The following ELAVL3 variants were observed in gnomAD, a reference collection of about 807,000 sequenced individuals.
ELAVL3 encodes the protein ELAV-like protein 3.
A neutral mutation model predicts 34.2 loss-of-function variants in ELAVL3; 8 were observed. The observed-to-expected ratio is 0.23, with a 90% CI of 0.14 to 0.42. The LOEUF (loss-of-function observed/expected upper bound fraction) is 0.42, where lower values mean the gene tolerates loss of function less well. Among genes scored for constraint, ELAVL3 ranks in the 10% least tolerant of loss-of-function variants. The pLI, the probability that ELAVL3 is intolerant of heterozygous loss-of-function variation, is 1.00. For missense variants in ELAVL3, 273 were observed against 518.8 expected (o/e 0.53, Z 4.60); for synonymous variants, 209 against 222.1 (o/e 0.94, Z 0.53).
At chr19:11,476,415 A>T (rs1971264159) in intron 1 of ELAVL3, among the ~76,000 whole-genome samples, 1 of 152,026 alleles carries the variant, frequency 6.6e-6, no homozygotes. Context: ...GTGGTGGTGC[A>T]TGCCTGTAGT....
At chr19:11,474,551 G>A (rs1237605105) in intron 1 of ELAVL3, among the ~76,000 whole-genome samples, 2 of 151,764 alleles carry the variant, frequency 1.3e-5, no homozygotes, top group Non-Finnish European at 1.5e-5. Flanking sequence ...CTGTGCCATT[G>A]CACTCCAGCA....
Position 11,480,397 on chromosome 19 carries a change from C to A in ELAVL3, c.9+203G>T. ...AATCGCAGTCAGTCTCCCTAAGGCC[C>A]TCTCAGACCAAGCTCTAAGCGCCCT... is the stretch of plus-strand genomic sequence containing the variant. On this transcript the variant is annotated intron_variant, in intron 1 of 6. Coordinates refer to ENST00000359227, the MANE Select transcript of ELAVL3 (RefSeq NM_001420.4). The surrounding 1 kb of genome is among the most constrained non-coding windows in gnomAD (Gnocchi z 6.8). 1 of 520,424 alleles carries A rather than the reference C, an allele frequency of 1.9e-6. No homozygotes were observed. The highest frequency in any genetic ancestry group is 3.1e-6 in the Non-Finnish European group (1 of 321,838). The allele number at this position is 520,424 out of a possible 1,614,324, so 32.2% of individuals were successfully genotyped here.
chr19:11,464,330 T>A (rs1198823656), intron 3 of ELAVL3, among the ~76,000 whole-genome samples: 1 of 151,352 alleles, frequency 6.6e-6, no homozygotes, highest in Admixed American at 6.6e-5. Flanking sequence ...CCAGCTAATT[T>A]AAATTTTTTT....
intron 1 of ELAVL3, among the ~76,000 whole-genome samples, chr19:11,476,744 C>T (rs1007576637): frequency 6.6e-6 from 1 of 151,800 alleles, no homozygotes; most frequent in East Asian, 1.9e-4. Flanking sequence ...ACTAAAAATA[C>T]AAAAATTAGC....
At position 11,459,770 on chromosome 19, in the gene ELAVL3, A is replaced by G. The variant is rs576868459; in HGVS notation, c.334-1159T>C. 3.9e-5 allele frequency among the ~76,000 whole-genome samples: 6 copies of G among 152,042 alleles called. No individual in the cohort carries two copies. The East Asian group carries it at 1.2e-3, about 29-fold the overall frequency. ...TGTGTTGCCCAGGCTAAATGCAGTT[A>G]TTATTCACAGGTGCAATCATACTGC... is the stretch of plus-strand genomic sequence containing the variant. On this transcript the variant is annotated intron_variant, in intron 3 of 6. Coordinates refer to ENST00000359227, the MANE Select transcript of ELAVL3 (RefSeq NM_001420.4).
intron 3 of ELAVL3, among the ~76,000 whole-genome samples, chr19:11,462,961 C>CAA (rs1169791063): frequency 3.7e-4 from 27 of 73,034 alleles, no homozygotes; most frequent in African/African-American, 7.5e-4. Flanking sequence ...GACTCCGTCT[C>CAA]AAAAAAAAAA....
chr19:11,452,631 A>C lies in ELAVL3; in HGVS notation c.*1895T>G, dbSNP rs1304413205. ...AGCTCCACAGACGTTTAATAACAAC[A>C]CCGGGAGGGGTGGGGGAGAGAGAGC... On this transcript the variant is annotated 3_prime_UTR_variant, in exon 7 of 7. Coordinates refer to ENST00000359227, the MANE Select transcript of ELAVL3 (RefSeq NM_001420.4). The C allele has an allele frequency of 2.6e-5, 4 of 150,968 alleles. 1 individual carries two copies. The highest frequency in any genetic ancestry group is 4.4e-5 in the Non-Finnish European group (3 of 67,864). The allele number at this position is 150,968 out of a possible 1,614,324, so 9.4% of individuals were successfully genotyped here.
Position 11,454,444 on chromosome 19 carries a change from G to GC in ELAVL3, c.*81dup. ...GGGCTGCCTGTGCTGTCTCTCTTGG[G>GC]CCCCTTCTCTCTCTCTCTCTCTCTT... On this transcript the variant is annotated 3_prime_UTR_variant, in exon 7 of 7. Transcript: ENST00000359227. This position sits in a 1 kb window ranked among gnomAD's most constrained non-coding sequence, Gnocchi z 9.2. The GC allele has an allele frequency of 7.7e-7, 1 of 1,293,726 alleles. No homozygotes were observed. The highest frequency in any genetic ancestry group is 1.0e-6 in the Non-Finnish European group (1 of 967,856). The allele number at this position is 1,293,726 out of a possible 1,614,324, so 80.1% of individuals were successfully genotyped here. A position where few individuals can be genotyped will look rare whatever the true frequency, so the allele number is the denominator to read the frequency against.
Position 11,466,093 on chromosome 19 carries a change from G to A in ELAVL3, c.333+79C>T. On this transcript the variant is annotated intron_variant, in intron 3 of 6. Coordinates refer to ENST00000359227, the MANE Select transcript of ELAVL3 (RefSeq NM_001420.4). The surrounding 1 kb of genome is among the most constrained non-coding windows in gnomAD (Gnocchi z 5.0). ...AGGCAGTGGACATGGATGCATGGGGGCGGGTAGGTGGCAGTAGGGGGTTGG... is the reference window on the plus strand; with the variant it reads ...AGGCAGTGGACATGGATGCATGGGGACGGGTAGGTGGCAGTAGGGGGTTGG... The A allele has an allele frequency of 7.9e-7, 1 of 1,264,230 alleles. No homozygotes were observed. Among genetic ancestry groups the A allele is most frequent in the Non-Finnish European group, 1.1e-6 (1 of 873,100 alleles). 78.3% of individuals were successfully genotyped at this position (1,264,230 alleles called of 1,614,324 possible).
In ELAVL3 at chr19:11,458,744, T is replaced by G; in HGVS notation, c.334-133A>C. The G allele has an allele frequency of 1.6e-6, 2 of 1,224,060 alleles. No individual in the cohort carries two copies. Among genetic ancestry groups the G allele is most frequent in the Admixed American group, 2.2e-5 (1 of 44,612 alleles). 75.8% of individuals were successfully genotyped at this position (1,224,060 alleles called of 1,614,324 possible). On this transcript the variant is annotated intron_variant, in intron 3 of 6. Coordinates refer to ENST00000359227, the MANE Select transcript of ELAVL3 (RefSeq NM_001420.4). The surrounding 1 kb of genome is among the most constrained non-coding windows in gnomAD (Gnocchi z 7.3). The stretch of plus-strand genomic sequence containing the variant: ...CGTCACTCAATAAGTATCTCTAGAG[T>G]TGTCACCGTGGGGTGGGGCTGAGTC...
rs775507323 is a variant in ELAVL3 at position 11,480,554 on chromosome 19, A to G, written c.9+46T>C. 1 of 1,502,632 alleles carries G rather than the reference A, an allele frequency of 6.7e-7. No homozygotes were observed. Among genetic ancestry groups the G allele is most frequent in the Non-Finnish European group, 8.9e-7 (1 of 1,125,552 alleles). The allele number at this position is 1,502,632 out of a possible 1,614,324, so 93.1% of individuals were successfully genotyped here. A position where few individuals can be genotyped will look rare whatever the true frequency, so the allele number is the denominator to read the frequency against. The stretch of plus-strand genomic sequence containing the variant: ...CCAATCTCCGCGGAGCCTGGGCCCA[A>G]CTCCTCCCCGTCCCGATTCCCTTTC... On this transcript the variant is annotated intron_variant, in intron 1 of 6. Coordinates refer to ENST00000359227, the MANE Select transcript of ELAVL3 (RefSeq NM_001420.4). The surrounding 1 kb of genome is among the most constrained non-coding windows in gnomAD (Gnocchi z 6.8).
intron 3 of ELAVL3, among the ~76,000 whole-genome samples, chr19:11,464,163 ATATATT>A (rs377507433): frequency 4.6e-4 from 49 of 107,592 alleles, no homozygotes; most frequent in African/African-American, 2.3e-3. Context: ...ATATATATAT[ATATATT>A]TTTTTTTTTT....
intron 1 of ELAVL3, among the ~76,000 whole-genome samples, chr19:11,476,023 C>T (rs933788614): frequency 4.6e-5 from 7 of 152,290 alleles, no homozygotes; most frequent in East Asian, 3.9e-4. Flanking sequence ...AAGACACATC[C>T]GGCCTCAAAA....
intron 3 of ELAVL3, among the ~76,000 whole-genome samples, chr19:11,464,927 A>C: frequency 8.8e-6 from 1 of 114,082 alleles, no homozygotes; most frequent in Non-Finnish European, 1.8e-5. Flanking sequence ...CACACACACC[A>C]CACATATACA....
Position 11,458,022 on chromosome 19 carries a change from G to A in ELAVL3, c.713+39C>T, listed in dbSNP as rs895751567. 2.5e-6 allele frequency: 4 copies of A among 1,591,712 alleles called. No individual in the cohort carries two copies. The highest frequency in any genetic ancestry group is 1.7e-6 in the Non-Finnish European group (2 of 1,169,142). ...TTCAGGGAGGGTTGCAAGCTTGGGG[G>A]CACCCGGCCTGGGGCCATCTGGCTG... On this transcript the variant is annotated intron_variant, in intron 5 of 6. Coordinates refer to ENST00000359227, the MANE Select transcript of ELAVL3 (RefSeq NM_001420.4). The surrounding 1 kb of genome is among the most constrained non-coding windows in gnomAD (Gnocchi z 7.3).
At chr19:11,465,278 T>TACACACACACACC (rs1971022825) in intron 3 of ELAVL3, among the ~76,000 whole-genome samples, 1 of 91,642 alleles carries the variant, frequency 1.1e-5, no homozygotes, top group Non-Finnish European at 2.4e-5. Context: ...ACCACACACA[T>TACACACACACACC]ACACACACAC....
chr19:11,468,431 T>A (rs932298559), intron 1 of ELAVL3, among the ~76,000 whole-genome samples: 3 of 151,128 alleles, frequency 2.0e-5, no homozygotes, highest in Admixed American at 6.6e-5. Flanking sequence ...TTTTTTTTTT[T>A]AAAGACAGAG....
chr19:11,451,420 C>T lies in ELAVL3; in HGVS notation c.*3106G>A, dbSNP rs925765247. ...GTTACCGCGGCCAGGCCTGTGATCC[C>T]GGTAATAAATAGTCTAAACGCAACG... is the stretch of plus-strand genomic sequence containing the variant. On this transcript the variant is annotated 3_prime_UTR_variant, in exon 7 of 7. Transcript: ENST00000359227. The T allele has an allele frequency of 3.3e-5, 5 of 149,780 alleles. No individual in the cohort carries two copies. The highest frequency in any genetic ancestry group is 1.3e-4 in the Admixed American group (2 of 15,114). The allele number at this position is 149,780 out of a possible 1,614,324, so 9.3% of individuals were successfully genotyped here.
At position 11,458,544 on chromosome 19, in the gene ELAVL3, T is replaced by C. The variant is rs1268476686; in HGVS notation, c.401A>G (p.Lys134Arg). ...CTCCATCTCTTTCTGGCTCATGGTC[T>C]TGGGGAGCCCGCTGACGTACAGGTT... ...DANLYVSGLP[K>R]TMSQKEMEQL... Residue 134 changes from lysine to arginine, a missense_variant, in exon 4 of 7, where the codon AAG becomes AGG. By Grantham distance (26) the Lys-to-Arg change is conservative. Around this residue, in one of 4 missense-constraint regions of ELAVL3, gnomAD observed 102 missense variants for 250.1 expected, o/e 0.41. Coordinates refer to ENST00000359227, the MANE Select transcript of ELAVL3 (RefSeq NM_001420.4). The surrounding 1 kb of genome is among the most constrained non-coding windows in gnomAD (Gnocchi z 7.3). 9 of 1,614,048 alleles carry C rather than the reference T, an allele frequency of 5.6e-6. No individual in the cohort carries two copies. Among genetic ancestry groups the C allele is most frequent in the Non-Finnish European group, 6.8e-6 (8 of 1,180,034 alleles).
Sources: allele counts gnomAD v4.1 joint callset (sites outside exome capture counted in the v4.1 genomes callset), GRCh38; gene constraint gnomAD v4.1.1; regional missense constraint gnomAD v4.1.1; non-coding constraint Gnocchi (gnomAD v3.1); transcripts MANE v1.5; gene names NCBI Gene and HGNC (gene_info 2026-07-23, HGNC 2026-07-21).